Variants in CALN1 observed in about 807,000 individuals in gnomAD.
CALN1 encodes the protein calcium-binding protein 8.
A neutral mutation model predicts 30.6 loss-of-function variants in CALN1; 17 were observed. That is an observed-to-expected ratio of 0.56 (90% confidence interval 0.38 to 0.83). CALN1 has a LOEUF of 0.83. Among genes scored for constraint, CALN1 ranks in the 40% least tolerant of loss-of-function variants. The pLI is 0.00. For synonymous variants in CALN1, 156 were observed against 131.4 expected, an observed-to-expected ratio of 1.19 and a Z score of -1.28; for missense variants, 291 against 354.9, an observed-to-expected ratio of 0.82 and a Z score of 1.45.
In CALN1 at chr7:71,985,584, C is replaced by CTTT. The variant is rs962922789; in HGVS notation, c.501+38070_501+38072dup. The stretch of plus-strand genomic sequence containing the variant: ...AAACTCATGCTGTACAGGTAGTTTT[C>CTTT]TTTTTTTTTTTTTTTTTTTTTTTGA... On this transcript the variant is annotated intron_variant, in intron 5 of 6. Coordinates refer to ENST00000395275, the MANE Select transcript of CALN1 (RefSeq NM_031468.4). 2.3e-3 allele frequency among the ~76,000 whole-genome samples: 221 copies of CTTT among 96,398 alleles called. 2 individuals are homozygous for CTTT. The highest frequency in any genetic ancestry group is 0.012 in the East Asian group (31 of 2,622). 63.2% of individuals were successfully genotyped at this position (96,398 alleles called of 152,430 possible). A position where few individuals can be genotyped will look rare whatever the true frequency, so the allele number is the denominator to read the frequency against.
chr7:71,968,541 G>A (rs4719199), intron 5 of CALN1, among the ~76,000 whole-genome samples: 23,627 of 151,742 alleles, frequency 0.16, 2,518 homozygotes, highest in East Asian at 0.38. Context: ...AGCAATTCTC[G>A]TGCCTCAGTT....
intron 3 of CALN1, among the ~76,000 whole-genome samples, chr7:72,143,083 G>A (rs1810074524): frequency 6.6e-6 from 1 of 152,180 alleles, no homozygotes; most frequent in Non-Finnish European, 1.5e-5. Context: ...CTCCTCCAAA[G>A]GAATGCAGCT....
At chr7:72,027,157 C>G (rs540188573) in intron 4 of CALN1, among the ~76,000 whole-genome samples, 3 of 151,956 alleles carry the variant, frequency 2.0e-5, no homozygotes, top group Admixed American at 6.6e-5. Context: ...TGTATCTGTA[C>G]AAAATTTCAA....
At position 72,337,267 on chromosome 7, in the gene CALN1, C is replaced by T; in HGVS notation, c.120-58457G>A. On this transcript the variant is annotated intron_variant, in intron 2 of 6. Transcript: ENST00000395275. ...CTCTGCCGGCGCCCGCGTTCAGGAG[C>T]CGGGCTTCTGGGCTCGCCTTGGCCG... is the stretch of plus-strand genomic sequence containing the variant. 3.0e-6 allele frequency: 3 copies of T among 985,218 alleles called. No individual in the cohort carries two copies. In the African/African-American group the frequency reaches 5.2e-5, roughly 17 times the overall value. 61.0% of individuals were successfully genotyped at this position (985,218 alleles called of 1,614,324 possible).
chr7:71,798,123 C>CAGAGAGAGAGAGAGAGAGAGAGAGAG (rs3973907), intron 6 of CALN1, among the ~76,000 whole-genome samples: 5 of 71,014 alleles, frequency 7.0e-5, no homozygotes, highest in Admixed American at 1.5e-4. Context: ...GAGACAGAGA[C>CAGAGAGAGAGAGAGAGAGAGAGAGAG]AGAGAGAGAG....
At chr7:71,941,936 C>T (rs574169145) in intron 5 of CALN1, among the ~76,000 whole-genome samples, 92 of 152,252 alleles carry the variant, frequency 6.0e-4, no homozygotes, top group Admixed American at 2.6e-3. Context: ...CGGTAGCTCA[C>T]GCCTGTAATC....
At chr7:72,303,750 C>G (rs897371384) in intron 2 of CALN1, among the ~76,000 whole-genome samples, 2 of 152,092 alleles carry the variant, frequency 1.3e-5, no homozygotes, top group African/African-American at 2.4e-5. Context: ...TGGCTCACAT[C>G]TGTAAACCCA....
intron 5 of CALN1, among the ~76,000 whole-genome samples, chr7:72,018,587 C>T (rs918912435): frequency 6.6e-6 from 1 of 152,150 alleles, no homozygotes; most frequent in African/African-American, 2.4e-5. Flanking sequence ...TGAGCGTATG[C>T]CGGGAGGACT....
At chr7:71,990,569 C>T (rs1223829455) in intron 5 of CALN1, among the ~76,000 whole-genome samples, 1 of 151,998 alleles carries the variant, frequency 6.6e-6, no homozygotes, top group African/African-American at 2.4e-5. Context: ...TCTCCTGCCT[C>T]AGCCTCCTCA....
intron 2 of CALN1, among the ~76,000 whole-genome samples, chr7:72,346,573 TGGCAC>T (rs1261180854): frequency 3.9e-5 from 6 of 152,148 alleles, no homozygotes; most frequent in Non-Finnish European, 7.4e-5. Context: ...TGGAGTCCAG[TGGCAC>T]GATCTCGGCT....
intron 5 of CALN1, among the ~76,000 whole-genome samples, chr7:71,980,811 G>A (rs1798354949): frequency 6.6e-6 from 1 of 152,106 alleles, no homozygotes; most frequent in Non-Finnish European, 1.5e-5. Flanking sequence ...AGAGGTAGCG[G>A]GGTGCTCCTC....
Position 71,953,435 on chromosome 7 carries a change from C to T in CALN1, c.501+70222G>A, listed in dbSNP as rs531799190. On this transcript the variant is annotated intron_variant, in intron 5 of 6. Transcript: ENST00000395275. Reference sequence around the variant, plus strand: ...CATCTTAAATGACCACTCCAGGCCACTCGAATTGCTGTCTCATTGGCAGGA... The same window carrying T: ...CATCTTAAATGACCACTCCAGGCCATTCGAATTGCTGTCTCATTGGCAGGA... Among the ~76,000 whole-genome samples the T allele has an allele frequency of 2.0e-5, 3 of 152,260 alleles. No individual in the cohort carries two copies. The South Asian group carries it at 6.2e-4, about 32-fold the overall frequency.
chr7:72,358,541 A>G (rs1803374908), intron 2 of CALN1, among the ~76,000 whole-genome samples: 1 of 152,184 alleles, frequency 6.6e-6, no homozygotes, highest in African/African-American at 2.4e-5. Flanking sequence ...GCAACATACC[A>G]GAACTGGCAC....
chr7:72,435,976 G>A (rs1379160099), intron 1 of CALN1, among the ~76,000 whole-genome samples: 1 of 152,196 alleles, frequency 6.6e-6, no homozygotes, highest in East Asian at 1.9e-4. Context: ...ACAAAGGGGT[G>A]CTGGCCTCAG....
intron 2 of CALN1, among the ~76,000 whole-genome samples, chr7:72,329,890 C>G (rs1474675944): frequency 2.0e-5 from 3 of 152,004 alleles, no homozygotes; most frequent in Non-Finnish European, 2.9e-5. Context: ...GGAGGCAGAG[C>G]TTGCAGTGAG....
intron 1 of CALN1, among the ~76,000 whole-genome samples, chr7:72,434,273 C>T (rs1356257032): frequency 2.7e-5 from 4 of 149,274 alleles, no homozygotes; most frequent in Admixed American, 1.4e-4. Flanking sequence ...GAGGCCAAGG[C>T]GGGTGGATCA....
chr7:72,323,668 A>C (rs538345127), intron 2 of CALN1, among the ~76,000 whole-genome samples: 8 of 150,960 alleles, frequency 5.3e-5, no homozygotes, highest in African/African-American at 1.9e-4. Flanking sequence ...TCTCAAAAAA[A>C]AAAAAATAAA....
At chr7:72,079,045 C>A (rs545423902) in intron 4 of CALN1, among the ~76,000 whole-genome samples, 1 of 152,310 alleles carries the variant, frequency 6.6e-6, no homozygotes, top group East Asian at 1.9e-4. Context: ...TCGGCTGCTG[C>A]AGTTTCGCAT....
At chr7:72,203,977 C>CTTTTTTTTTTT (rs1562730815) in intron 3 of CALN1, among the ~76,000 whole-genome samples, 11 of 92,272 alleles carry the variant, frequency 1.2e-4, no homozygotes, top group African/African-American at 5.5e-4. Flanking sequence ...AGAGGCCTCT[C>CTTTTTTTTTTT]TCTTTTTTTT....
Sources: gnomAD v4.1 joint callset for allele counts (sites outside exome capture counted in the v4.1 genomes callset) on GRCh38, gnomAD v4.1.1 for gene constraint, MANE v1.5 for transcripts, NCBI Gene and HGNC (gene_info 2026-07-23, HGNC 2026-07-21) for gene names.